The following PPP1R7 variants were observed in gnomAD, a reference collection of about 807,000 sequenced individuals.
PPP1R7 encodes protein phosphatase 1 regulatory subunit 7.
A neutral mutation model predicts 45.2 loss-of-function variants in PPP1R7; 18 were observed. The ratio of observed to expected loss-of-function variants is 0.40; its 90% CI spans 0.28 to 0.59. The LOEUF (loss-of-function observed/expected upper bound fraction) is 0.59, where lower values mean the gene tolerates loss of function less well. Ranked by LOEUF, PPP1R7 falls within the 20% of genes least tolerant of loss-of-function variation. The pLI is 0.46. For missense variants in PPP1R7, 314 were observed against 455.8 expected (o/e 0.69, Z 2.83); for synonymous variants, 181 against 183.4 (o/e 0.99, Z 0.11).
intron 2 of PPP1R7, among the ~76,000 whole-genome samples, chr2:241,156,912 T>TG: frequency 6.6e-6 from 1 of 152,246 alleles, no homozygotes; most frequent in African/African-American, 2.4e-5. Context: ...ATACCACTGT[T>TG]GTGCATGCGT....
chr2:241,166,202 C>G (rs1163099816), intron 7 of PPP1R7, 135 bp from the exon 8 acceptor site: 3 of 716,804 alleles, frequency 4.2e-6, no homozygotes, highest in East Asian at 6.2e-5. Flanking sequence ...GCGCCCGGCC[C>G]CATTCTAGCA....
At chr2:241,165,812 T>A (rs556321157) in intron 7 of PPP1R7, among the ~76,000 whole-genome samples, 1 of 151,672 alleles carries the variant, frequency 6.6e-6, no homozygotes, top group Non-Finnish European at 1.5e-5. Context: ...TTAGCCAGGA[T>A]GGTCTCGATC....
intron 9 of PPP1R7, among the ~76,000 whole-genome samples, chr2:241,180,412 TGAAAAAATCGC>T (rs796092336): frequency 0.015 from 1,400 of 96,288 alleles, 35 homozygotes; most frequent in African/African-American, 0.053. Context: ...AAAAAAAAAG[TGAAAAAATCGC>T]AAAAAAATCT....
chr2:241,150,663 G>A, intron 1 of PPP1R7, 116 bp downstream of exon 1: 1 of 1,325,288 alleles, frequency 7.5e-7, no homozygotes. Flanking sequence ...GCCGCCGCGC[G>A]GCCCCCTGAC....
rs11888347 is a variant in PPP1R7 at position 241,183,360 on chromosome 2, G to C, written c.*537G>C. 1,238 of 468,608 alleles carry C rather than the reference G, an allele frequency of 2.6e-3. 14 individuals are homozygous for C. The highest frequency in any genetic ancestry group is 0.023 in the African/African-American group (1,142 of 50,038). 29.0% of individuals were successfully genotyped at this position (468,608 alleles called of 1,614,324 possible). ...GCTGGGTAAAAGCTGACTCAGCCCTGTGTGCTTGTGTTCCTTAGAGCTCTC... is the reference window on the plus strand; with the variant it reads ...GCTGGGTAAAAGCTGACTCAGCCCTCTGTGCTTGTGTTCCTTAGAGCTCTC... On this transcript the variant is annotated 3_prime_UTR_variant, in exon 10 of 10. Coordinates refer to ENST00000234038, the MANE Select transcript of PPP1R7 (RefSeq NM_002712.3).
At chr2:241,157,731 T>C (rs1429561699) in intron 2 of PPP1R7, 76 bp from the exon 3 acceptor site, 6 of 1,446,156 alleles carry the variant, frequency 4.1e-6, no homozygotes, top group Non-Finnish European at 3.8e-6. Flanking sequence ...GCCCCAGACC[T>C]CAGCCAGAAG....
Position 241,166,444 on chromosome 2 carries a change from A to C in PPP1R7, c.819+3A>C. The C allele has an allele frequency of 1.2e-6, 2 of 1,612,900 alleles. No homozygotes were observed. The highest frequency in any genetic ancestry group is 1.7e-6 in the Non-Finnish European group (2 of 1,179,270). The stretch of plus-strand genomic sequence containing the variant: ...TCATCGAGGGCCTGGAGAACAATGT[A>C]AGACACCCACTGTCTGTCTGGGGCT... On this transcript the variant is annotated splice_donor_region_variant and intron_variant, in intron 8 of 9. Transcript: ENST00000234038.
At chr2:241,155,831 A>G (rs1482501943) in intron 2 of PPP1R7, among the ~76,000 whole-genome samples, 1 of 152,222 alleles carries the variant, frequency 6.6e-6, no homozygotes, top group African/African-American at 2.4e-5. Context: ...CTTCCAGTGC[A>G]ACTTCCTGAG....
intron 1 of PPP1R7, among the ~76,000 whole-genome samples, chr2:241,150,800 G>T (rs958013373): frequency 1.3e-5 from 2 of 152,226 alleles, no homozygotes; most frequent in East Asian, 1.9e-4. Context: ...CCAGGCCGGG[G>T]GTGGGGCTGA....
intron 9 of PPP1R7, among the ~76,000 whole-genome samples, chr2:241,177,432 TAGAG>T (rs1180267535): frequency 6.6e-5 from 10 of 150,918 alleles, no homozygotes; most frequent in South Asian, 4.2e-4. Flanking sequence ...AAAAAAATCA[TAGAG>T]AGCTTCCTAA....
rs1299893019 is a variant in PPP1R7 at position 241,183,315 on chromosome 2, A to T, written c.*492A>T. ...AACCCAGCCATTTTCAATTTTTTAA[A>T]AATTAGGTAAGTTAAAAAAGCTGGG... On this transcript the variant is annotated 3_prime_UTR_variant, in exon 10 of 10. Transcript: ENST00000234038. The T allele has an allele frequency of 2.3e-6, 1 of 435,180 alleles. No individual in the cohort carries two copies. The highest frequency in any genetic ancestry group is 7.2e-5 in the East Asian group (1 of 13,970). The allele number at this position is 435,180 out of a possible 1,614,324, so 27.0% of individuals were successfully genotyped here. A position where few individuals can be genotyped will look rare whatever the true frequency, so the allele number is the denominator to read the frequency against.
intron 9 of PPP1R7, among the ~76,000 whole-genome samples, chr2:241,175,651 G>A (rs1258417963): frequency 1.3e-5 from 2 of 152,174 alleles, no homozygotes; most frequent in East Asian, 1.9e-4. Flanking sequence ...CTAGAGTGCA[G>A]TAGCATGATC....
chr2:241,180,388 T>TAAAAAA (rs58267372), intron 9 of PPP1R7, among the ~76,000 whole-genome samples: 9 of 99,998 alleles, frequency 9.0e-5, no homozygotes, highest in South Asian at 3.3e-4. Context: ...GCTGGTGAGC[T>TAAAAAA]AAAAAAAAAA....
At chr2:241,171,366 C>T (rs1258173017) in intron 9 of PPP1R7, among the ~76,000 whole-genome samples, 1 of 152,314 alleles carries the variant, frequency 6.6e-6, no homozygotes, top group East Asian at 1.9e-4. Flanking sequence ...GGTGTCCATA[C>T]CTCTCTCCAT....
At chr2:241,168,190 A>G (rs1245282148) in intron 8 of PPP1R7, among the ~76,000 whole-genome samples, 1 of 152,108 alleles carries the variant, frequency 6.6e-6, no homozygotes, top group Non-Finnish European at 1.5e-5. Context: ...TTTTCACAAC[A>G]TTGTCCAGCT....
At chr2:241,153,404 C>G (rs888791071) in intron 1 of PPP1R7, 72 bp from the exon 2 acceptor site, 46 of 1,574,240 alleles carry the variant, frequency 2.9e-5, no homozygotes, top group Middle Eastern at 1.7e-4. Flanking sequence ...GACTTACAAC[C>G]GGGTGTTTAT....
chr2:241,150,676 C>T (rs890864664), intron 1 of PPP1R7, 129 bp downstream of exon 1: 8 of 1,293,352 alleles, frequency 6.2e-6, no homozygotes, highest in Non-Finnish European at 7.9e-6. Context: ...CCCCTGACAG[C>T]TGACAGCCGG....
chr2:241,176,460 CTTTTTTT>C (rs71404687), intron 9 of PPP1R7, among the ~76,000 whole-genome samples: 4 of 142,946 alleles, frequency 2.8e-5, no homozygotes, highest in African/African-American at 5.1e-5. Context: ...TTTTTTCTTT[CTTTTTTT>C]TTTTTTTGAG....
At chr2:241,162,116 T>G (rs1211307765) in intron 6 of PPP1R7, among the ~76,000 whole-genome samples, 1 of 152,184 alleles carries the variant, frequency 6.6e-6, no homozygotes, top group East Asian at 1.9e-4. Flanking sequence ...GCAGCACATT[T>G]AAAACTAGAG....
Sources: gnomAD v4.1 joint callset for allele counts (sites outside exome capture counted in the v4.1 genomes callset) on GRCh38, gnomAD v4.1.1 for gene constraint, MANE v1.5 for transcripts, NCBI Gene and HGNC (gene_info 2026-07-23, HGNC 2026-07-21) for gene names.